Variants in CDC42BPG observed in about 807,000 individuals in gnomAD.
CDC42BPG encodes the protein CDC42 binding protein kinase gamma, also known as serine/threonine-protein kinase MRCK gamma.
CDC42BPG carries 157 observed loss-of-function variants against 192.2 expected under a neutral mutation model. That is an observed-to-expected ratio of 0.82 (90% CI 0.72 to 0.93). The LOEUF (loss-of-function observed/expected upper bound fraction) is 0.93, where lower values mean the gene tolerates loss of function less well. Among genes scored for constraint, CDC42BPG ranks in the 40% least tolerant of loss-of-function variants. CDC42BPG has a pLI of 0.00. For synonymous variants in CDC42BPG, 981 were observed against 918.5 expected (o/e 1.07, Z -1.23); for missense variants, 1,992 against 2,122.1 (o/e 0.94, Z 1.20).
chr11:64,828,460 C>T (rs755253016), intron 30 of CDC42BPG, among the ~76,000 whole-genome samples: 3 of 152,242 alleles, frequency 2.0e-5, no homozygotes, highest in Non-Finnish European at 2.9e-5. Context: ...CAGGTCTGGA[C>T]GGAGAGAGAG....
Position 64,839,471 on chromosome 11 carries a change from T to A in CDC42BPG, c.675+7A>T. The A allele has an allele frequency of 6.2e-7, 1 of 1,612,746 alleles. No homozygotes were observed. Among genetic ancestry groups the A allele is most frequent in the Non-Finnish European group, 8.5e-7 (1 of 1,179,758 alleles). ...CCCCTGCTCCCACTCTGGGGCGGGG[T>A]CCTTACCATGCCGTTGGTGTTGAGA... is the stretch of plus-strand genomic sequence containing the variant. On this transcript the variant is annotated splice_region_variant and intron_variant, in intron 6 of 36. Coordinates refer to ENST00000342711, the MANE Select transcript of CDC42BPG (RefSeq NM_017525.3).
intron 20 of CDC42BPG, 117 bp from the exon 21 acceptor site, chr11:64,834,094 C>T: frequency 6.7e-7 from 1 of 1,488,938 alleles, no homozygotes; most frequent in Non-Finnish European, 9.3e-7. Flanking sequence ...TGGGGCAGGG[C>T]TGGGCACAGC....
Position 64,837,044 on chromosome 11 carries a change from T to C in CDC42BPG, c.1206-25A>G, listed in dbSNP as rs1367528707. The C allele has an allele frequency of 1.9e-6, 3 of 1,582,086 alleles. No homozygotes were observed. The Admixed American group carries it at 5.0e-5, about 26-fold the overall frequency. ...ACTGTAGGGGGACAGGGGCCATGTT[T>C]GTTGGTAGAAACCTCACCCCACAGA... On this transcript the variant is annotated intron_variant, in intron 9 of 36. Transcript: ENST00000342711.
At chr11:64,837,045 G>A (rs1226241050) in intron 9 of CDC42BPG, 26 bp from the exon 10 acceptor site, 1 of 1,575,664 alleles carries the variant, frequency 6.3e-7, no homozygotes, top group African/African-American at 1.3e-5. Context: ...GGCCATGTTT[G>A]TTGGTAGAAA....
intron 9 of CDC42BPG, among the ~76,000 whole-genome samples, 158 bp from the exon 10 acceptor site, chr11:64,837,177 A>G (rs1943060205): frequency 6.6e-6 from 1 of 152,254 alleles, no homozygotes; most frequent in Non-Finnish European, 1.5e-5. Flanking sequence ...AGCCCGGGGT[A>G]GCAGCTGCAG....
chr11:64,827,004 G>A (rs745939677), intron 34 of CDC42BPG, 46 bp downstream of exon 34: 1 of 1,393,658 alleles, frequency 7.2e-7, no homozygotes, highest in South Asian at 1.2e-5. Flanking sequence ...CCGGTTATTG[G>A]CTCAGCCTCA....
chr11:64,835,284 CT>C lies in CDC42BPG; in HGVS notation c.1953+62del, dbSNP rs1942926492. ...CTCACTGGCTGCAGCTTGCCCACCC[CT>C]CAACTGGCTCCCCATTGCCTTGTCC... is the stretch of plus-strand genomic sequence containing the variant. On this transcript the variant is annotated intron_variant, in intron 16 of 36. Transcript: ENST00000342711. 6 of 1,611,372 alleles carry C rather than the reference CT, an allele frequency of 3.7e-6. No homozygotes were observed. The South Asian group carries it at 4.4e-5, about 12-fold the overall frequency.
rs77897019 is a variant in CDC42BPG at position 64,838,252 on chromosome 11, C to T, written c.1126-90G>A. On this transcript the variant is annotated intron_variant, in intron 8 of 36. Transcript: ENST00000342711. ...AGCCCCCTGGGACCAGGTGCGACCA[C>T]CTCCTGCACAGGTGGGAACTCAGGG... 3,568 of 975,594 alleles carry T rather than the reference C, an allele frequency of 3.7e-3. 75 individuals are homozygous for T. In the African/African-American group the frequency reaches 0.05, roughly 14 times the overall value. 60.4% of individuals were successfully genotyped at this position (975,594 alleles called of 1,614,324 possible). A position where few individuals can be genotyped will look rare whatever the true frequency, so the allele number is the denominator to read the frequency against.
intron 8 of CDC42BPG, among the ~76,000 whole-genome samples, chr11:64,838,392 G>A (rs1235245762): frequency 6.6e-6 from 1 of 152,202 alleles, no homozygotes; most frequent in African/African-American, 2.4e-5. Flanking sequence ...TGTGGTCAGA[G>A]GCCCTTCCCT....
rs1942620444 is a variant in CDC42BPG at position 64,830,190 on chromosome 11, G to A, written c.3367+4C>T. ...GCCCACCCTAGCCCAGCTTTGATAG[G>A]TACCGTTGCTGCGCAGATGGATGAC... On this transcript the variant is annotated splice_donor_region_variant and intron_variant, in intron 29 of 36. Transcript: ENST00000342711. The A allele has an allele frequency of 1.2e-6, 2 of 1,613,690 alleles. No individual in the cohort carries two copies. Among genetic ancestry groups the A allele is most frequent in the South Asian group, 1.1e-5 (1 of 91,034 alleles).
rs1192864769 is a variant in CDC42BPG, at chr11:64,836,705, C to CCGGGCGGGGGGGG, written c.1384+33_1384+34insCCCCCCCCGCCCG. 3 of 353,520 alleles carry CCGGGCGGGGGGGG rather than the reference C, an allele frequency of 8.5e-6. 1 individual carries two copies. The highest frequency in any genetic ancestry group is 1.2e-5 in the Non-Finnish European group (3 of 240,212). 21.9% of individuals were successfully genotyped at this position (353,520 alleles called of 1,614,324 possible). The stretch of plus-strand genomic sequence containing the variant: ...ACCCGAGCCCAGGTGGGACTCAGCC[C>CCGGGCGGGGGGGG]TGGGGGGGGGGGGGGGGTGGGCGGA... On this transcript the variant is annotated intron_variant, in intron 11 of 36. Transcript: ENST00000342711.
rs1942611774 is a variant in CDC42BPG, at chr11:64,830,035, G to A, written c.3403C>T (p.Gln1135Ter). 3 of 1,612,398 alleles carry A rather than the reference G, an allele frequency of 1.9e-6. No homozygotes were observed. The highest frequency in any genetic ancestry group is 1.3e-5 in the African/African-American group (1 of 74,920). ...FQVGECRRVQQLTLSPSAGLL... is the reference protein window; with the variant it reads ...FQVGECRRVQ ...CCTGCACTGGGGCTCAAGGTCAGCT[G>A]CTGCACGCGCCGGCACTCCCCCACC... is the stretch of plus-strand genomic sequence containing the variant. The change falls in exon 30 of 37, where the codon CAG becomes TAG. Residue 1135 changes from glutamine to a stop codon, truncating the protein, a stop_gained. Coordinates refer to ENST00000342711, the MANE Select transcript of CDC42BPG (RefSeq NM_017525.3). LOFTEE classifies it high-confidence loss of function.
intron 3 of CDC42BPG, among the ~76,000 whole-genome samples, chr11:64,841,260 C>T (rs1319434266): frequency 6.6e-6 from 1 of 151,778 alleles, no homozygotes; most frequent in Non-Finnish European, 1.5e-5. Context: ...CGAGACCAGC[C>T]TGTCCAACAT....
In CDC42BPG at chr11:64,839,087, C is replaced by T. The variant is rs56393929; in HGVS notation, c.822G>A (p.Thr274=). 2.0e-4 allele frequency: 323 copies of T among 1,613,554 alleles called. No homozygotes were observed. The highest frequency in any genetic ancestry group is 2.6e-4 in the Non-Finnish European group (304 of 1,180,052). Reference sequence around the variant, plus strand: ...CCACCAAGGACTCAGCATAGAAGGGCGTCTCCCCAAAGAGCAGCTCATAGG... The same window carrying T: ...CCACCAAGGACTCAGCATAGAAGGGTGTCTCCCCAAAGAGCAGCTCATAGG... ...VCAYELLFGE[T]PFYAESLVET... Residue 274 remains threonine, a synonymous_variant, in exon 7 of 37, where the codon ACG becomes ACA. Coordinates refer to ENST00000342711, the MANE Select transcript of CDC42BPG (RefSeq NM_017525.3).
At chr11:64,835,477 C>G (rs775601073) in intron 15 of CDC42BPG, 23 bp downstream of exon 15, 3 of 1,606,840 alleles carry the variant, frequency 1.9e-6, no homozygotes, top group Non-Finnish European at 2.5e-6. Flanking sequence ...CGGCCCCTCC[C>G]TGCCACCAGC....
At chr11:64,834,686 C>G in intron 18 of CDC42BPG, 109 bp from the exon 19 acceptor site, 2 of 1,418,736 alleles carry the variant, frequency 1.4e-6, no homozygotes, top group South Asian at 2.9e-5. Context: ...AGGCTCAAAG[C>G]TCCAGCTCAG....
At chr11:64,837,065 A>C (rs1450833089) in intron 9 of CDC42BPG, 46 bp from the exon 10 acceptor site, 7 of 1,438,818 alleles carry the variant, frequency 4.9e-6, no homozygotes, top group African/African-American at 2.8e-5. Context: ...ACCTCACCCC[A>C]CAGAGTCTCC....
In CDC42BPG at chr11:64,840,149, G is replaced by A. The variant is rs372204937; in HGVS notation, c.552C>T (p.His184=). The A allele has an allele frequency of 8.1e-6, 13 of 1,612,858 alleles. No individual in the cohort carries two copies. Among genetic ancestry groups the A allele is most frequent in the East Asian group, 2.2e-5 (1 of 44,902 alleles). ...GGACATAACCCAGCTGGTGCAGCGA[G>A]TGGATGGCCAGCACCATCTCAGCCA... is the stretch of plus-strand genomic sequence containing the variant. The part of the protein sequence containing the change: ...FYLAEMVLAI[H]SLHQLGYVHR... The change falls in exon 5 of 37, where the codon CAC becomes CAT. Residue 184 remains histidine, a synonymous_variant. Transcript: ENST00000342711.
chr11:64,834,785 G>T, intron 18 of CDC42BPG, 64 bp downstream of exon 18: 2 of 1,482,802 alleles, frequency 1.3e-6, no homozygotes. Flanking sequence ...TAGCAGGGAT[G>T]CTGAGCTCAC....
Sources: gnomAD v4.1 joint callset for allele counts (sites outside exome capture counted in the v4.1 genomes callset) on GRCh38, gnomAD v4.1.1 for gene constraint, MANE v1.5 for transcripts, NCBI Gene and HGNC (gene_info 2026-07-23, HGNC 2026-07-21) for gene names.